Variants in FAM120B observed in about 807,000 individuals in gnomAD.
FAM120B encodes constitutive coactivator of peroxisome proliferator-activated receptor gamma.
FAM120B carries 83 observed loss-of-function variants against 96.3 expected under a neutral mutation model. The observed-to-expected ratio is 0.86, with a 90% CI of 0.72 to 1.03. The LOEUF is 1.03. FAM120B is among the 50% of genes least tolerant of loss of function. FAM120B has a pLI of 0.00. For missense variants in FAM120B, 1,027 were observed against 1,121.2 expected (o/e 0.92, Z 1.20); for synonymous variants, 407 against 402.7 (o/e 1.01, Z -0.13).
At chr6:170,377,992 A>C (rs1267332423) in intron 6 of FAM120B, among the ~76,000 whole-genome samples, 3 of 149,060 alleles carry the variant, frequency 2.0e-5, no homozygotes, top group Non-Finnish European at 4.5e-5. Context: ...GTTGAAACCA[A>C]AAGGGAAATG....
chr6:170,354,758 C>CA (rs1458862006), intron 5 of FAM120B, among the ~76,000 whole-genome samples: 11 of 129,132 alleles, frequency 8.5e-5, no homozygotes, highest in Non-Finnish European at 1.4e-4. Flanking sequence ...CCCGTCTCTA[C>CA]AAAAAAAAAG....
At position 170,405,243 on chromosome 6, in the gene FAM120B, T is replaced by C. The variant is rs4710720; in HGVS notation, c.*492T>C. On this transcript the variant is annotated 3_prime_UTR_variant, in exon 11 of 11. Coordinates refer to ENST00000476287, the MANE Select transcript of FAM120B (RefSeq NM_032448.3). ...GTATGGAATCCTACATATCTATACCTTGGCTTTTTCCTCTACGTACATACC... is the reference window on the plus strand; with the variant it reads ...GTATGGAATCCTACATATCTATACCCTGGCTTTTTCCTCTACGTACATACC... The C allele has an allele frequency of 2.0e-5, 3 of 152,270 alleles. No individual in the cohort carries two copies. The highest frequency in any genetic ancestry group is 7.2e-5 in the African/African-American group (3 of 41,456). 9.4% of individuals were successfully genotyped at this position (152,270 alleles called of 1,614,324 possible). A position where few individuals can be genotyped will look rare whatever the true frequency, so the allele number is the denominator to read the frequency against.
rs1265071374 is a variant in FAM120B, at chr6:170,406,076, T to C, written c.*1325T>C. ...GAAGAATCTTCAGGTCACCAAAGAA[T>C]TGAAATTTTAAGCCCCAGATTGTAC... On this transcript the variant is annotated 3_prime_UTR_variant, in exon 11 of 11. Transcript: ENST00000476287. The C allele has an allele frequency of 6.6e-6, 1 of 152,178 alleles. No homozygotes were observed. The highest frequency in any genetic ancestry group is 1.5e-5 in the Non-Finnish European group (1 of 68,034). 9.4% of individuals were successfully genotyped at this position (152,178 alleles called of 1,614,324 possible). A position where few individuals can be genotyped will look rare whatever the true frequency, so the allele number is the denominator to read the frequency against.
chr6:170,330,598 G>C (rs759327684), intron 4 of FAM120B, 48 bp downstream of exon 4: 2 of 1,404,192 alleles, frequency 1.4e-6, no homozygotes, highest in Admixed American at 1.7e-5. Flanking sequence ...TCCATTCTAT[G>C]ATAAAAGTCT....
intron 2 of FAM120B, among the ~76,000 whole-genome samples, chr6:170,319,766 G>A (rs1562524518): frequency 6.6e-6 from 1 of 152,266 alleles, no homozygotes; most frequent in Non-Finnish European, 1.5e-5. Context: ...AGACTTGGGA[G>A]TTGTGGAAGT....
chr6:170,358,373 C>G, intron 6 of FAM120B, 55 bp downstream of exon 6: 1 of 1,206,454 alleles, frequency 8.3e-7, no homozygotes, highest in Non-Finnish European at 1.2e-6. Flanking sequence ...TGCAGTCCAG[C>G]CTTCTCTTTC....
At chr6:170,372,895 T>C (rs900499676) in intron 6 of FAM120B, among the ~76,000 whole-genome samples, 7 of 152,360 alleles carry the variant, frequency 4.6e-5, no homozygotes, top group Non-Finnish European at 8.8e-5. Flanking sequence ...TTTGCTGTTT[T>C]GTTTACTAAT....
At chr6:170,305,912 A>C (rs1269270145), upstream of FAM120B, among the ~76,000 whole-genome samples, 1 of 152,150 alleles carries the variant, frequency 6.6e-6, no homozygotes, top group Non-Finnish European at 1.5e-5. Flanking sequence ...TGTGGACTGC[A>C]GAGTCCAAAC....
At position 170,319,026 on chromosome 6, in the gene FAM120B, A is replaced by G; in HGVS notation, c.1636A>G (p.Met546Val). The change falls in exon 2 of 11, where the codon ATG becomes GTG. Residue 546 changes from methionine (M) to valine (V), a missense_variant. Met to Val is a conservative substitution (Grantham distance 21, BLOSUM62 1). This residue lies in a region of FAM120B where 880 missense variants were observed against 980.9 expected (regional missense o/e 0.90). Coordinates refer to ENST00000476287, the MANE Select transcript of FAM120B (RefSeq NM_032448.3). ...TDFEFKLEAL[M>V]CTNPEIKQED... is the part of the protein sequence containing the mutation. ...TTTTGAATTTAAGCTAGAAGCTCTC[A>G]TGTGTACAAACCCTGAAATTAAACA... The G allele has an allele frequency of 1.2e-6, 2 of 1,613,356 alleles. No homozygotes were observed. The highest frequency in any genetic ancestry group is 8.5e-7 in the Non-Finnish European group (1 of 1,179,392).
chr6:170,390,947 C>A (rs1028028483), intron 7 of FAM120B, 66 bp from the exon 8 acceptor site: 5 of 1,329,966 alleles, frequency 3.8e-6, no homozygotes, highest in Non-Finnish European at 5.4e-6. Flanking sequence ...TTCCTTCCAG[C>A]CACATCTGGC....
At chr6:170,355,586 G>A (rs1457607701) in intron 5 of FAM120B, among the ~76,000 whole-genome samples, 1 of 152,112 alleles carries the variant, frequency 6.6e-6, no homozygotes, top group East Asian at 1.9e-4. Flanking sequence ...GAGGGGGAAG[G>A]AGAGCATCAG....
At chr6:170,361,198 G>GTGTATATA (rs1426112399) in intron 6 of FAM120B, among the ~76,000 whole-genome samples, 57 of 66,018 alleles carry the variant, frequency 8.6e-4, no homozygotes, top group Admixed American at 3.0e-3. Flanking sequence ...ATATATACGT[G>GTGTATATA]TATATATATA....
chr6:170,313,275 T>G (rs1784703536), intron 1 of FAM120B, among the ~76,000 whole-genome samples: 1 of 152,266 alleles, frequency 6.6e-6, no homozygotes, highest in South Asian at 2.1e-4. Flanking sequence ...AACTGGTGTT[T>G]AAGAGGTCCC....
intron 6 of FAM120B, among the ~76,000 whole-genome samples, chr6:170,373,368 G>GC (rs1256026193): frequency 6.6e-6 from 1 of 152,168 alleles, no homozygotes; most frequent in East Asian, 1.9e-4. Flanking sequence ...TAGACCTGGG[G>GC]CCAACCCTCT....
At chr6:170,332,303 G>T (rs771332156) in intron 4 of FAM120B, among the ~76,000 whole-genome samples, 1 of 152,164 alleles carries the variant, frequency 6.6e-6, no homozygotes, top group Non-Finnish European at 1.5e-5. Flanking sequence ...GTGCTTTTCC[G>T]TATCTATGAG....
chr6:170,332,131 G>A (rs1260058292), intron 4 of FAM120B, among the ~76,000 whole-genome samples: 1 of 152,128 alleles, frequency 6.6e-6, no homozygotes, highest in East Asian at 1.9e-4. Flanking sequence ...TACACGGAGG[G>A]CCACATCTCA....
intron 6 of FAM120B, among the ~76,000 whole-genome samples, chr6:170,365,597 C>T (rs1269874894): frequency 6.6e-6 from 1 of 152,184 alleles, no homozygotes; most frequent in Non-Finnish European, 1.5e-5. Context: ...GTTTTCTGTT[C>T]GTGAACTAGA....
At chr6:170,386,287 C>A (rs536523491) in intron 6 of FAM120B, among the ~76,000 whole-genome samples, 1 of 152,012 alleles carries the variant, frequency 6.6e-6, no homozygotes, top group African/African-American at 2.4e-5. Flanking sequence ...ACATAAAGTC[C>A]TTTTTTTTAA....
At chr6:170,314,305 T>C (rs915306671) in intron 1 of FAM120B, among the ~76,000 whole-genome samples, 5 of 152,228 alleles carry the variant, frequency 3.3e-5, no homozygotes, top group Non-Finnish European at 7.3e-5. Flanking sequence ...AATTGAAGTC[T>C]GTAACTTACT....
Sources: allele counts gnomAD v4.1 joint callset (sites outside exome capture counted in the v4.1 genomes callset), GRCh38; gene constraint gnomAD v4.1.1; regional missense constraint gnomAD v4.1.1; transcripts MANE v1.5; gene names NCBI Gene and HGNC (gene_info 2026-07-23, HGNC 2026-07-21).